RGSL1: variants seen among roughly 807,000 people sequenced by gnomAD.
RGSL1 encodes the protein regulator of G protein signaling like 1, also known as regulator of G protein signaling protein-like.
In RGSL1, 97 loss-of-function variants were observed where a neutral mutation model predicts 124.7. That is an observed-to-expected ratio of 0.78 (90% CI 0.66 to 0.92). The LOEUF is 0.92. Ranked by LOEUF, RGSL1 falls within the 40% of genes least tolerant of loss-of-function variation. The pLI, the probability that RGSL1 is intolerant of heterozygous loss-of-function variation, is 0.00. For missense variants in RGSL1, 1,233 were observed against 1,288.4 expected (o/e 0.96, Z 0.66); for synonymous variants, 424 against 438.1 (o/e 0.97, Z 0.40).
chr1:182,521,174 A>AGCCTCAAAC (rs1658305265), intron 9 of RGSL1, among the ~76,000 whole-genome samples: 1 of 152,156 alleles, frequency 6.6e-6, no homozygotes, highest in Non-Finnish European at 1.5e-5. Context: ...GGCTCAACTG[A>AGCCTCAAAC]TCTTCTTGCC....
At position 182,474,290 on chromosome 1, in the gene RGSL1, G is replaced by T. The variant is rs1270531817; in HGVS notation, c.1179G>T (p.Leu393Phe). Residue 393 changes from leucine (L) to phenylalanine (F), a missense_variant, in exon 6 of 22, where the codon TTG becomes TTT. Transcript: ENST00000294854. ...PFRDHLKKLN[L>F]KVEIQLLDLW... ...GGGACCACCTGAAGAAGCTGAATTT[G>T]AAAGTGGAGATCCAACTTCTTGACC... is the stretch of plus-strand genomic sequence containing the variant. The T allele has an allele frequency of 6.4e-7, 1 of 1,551,790 alleles. No homozygotes were observed. Among genetic ancestry groups the T allele is most frequent in the Non-Finnish European group, 8.7e-7 (1 of 1,147,006 alleles).
chr1:182,484,629 T>C (rs1250055341), intron 6 of RGSL1, among the ~76,000 whole-genome samples: 1 of 152,190 alleles, frequency 6.6e-6, no homozygotes, highest in Non-Finnish European at 1.5e-5. Flanking sequence ...CAAGGCACTG[T>C]TTCCTCAGGA....
chr1:182,556,293 C>T (rs1305562899), intron 21 of RGSL1, 71 bp downstream of exon 21: 5 of 489,828 alleles, frequency 1.0e-5, no homozygotes, highest in African/African-American at 3.9e-5. Context: ...GAGACCTGGG[C>T]TCTAGGTCTT....
intron 1 of RGSL1, 31 bp from the exon 2 acceptor site, chr1:182,453,927 T>A (rs755693825): frequency 8.3e-7 from 1 of 1,209,094 alleles, no homozygotes; most frequent in African/African-American, 1.5e-5. Context: ...TGGTTCATGT[T>A]TTGTTTTTTT....
intron 9 of RGSL1, among the ~76,000 whole-genome samples, chr1:182,499,561 T>G (rs778606791): frequency 5.3e-5 from 8 of 152,228 alleles, no homozygotes; most frequent in Admixed American, 3.3e-4. Context: ...TTTGAGCCTG[T>G]GGGTGTCATT....
At chr1:182,555,709 G>T in intron 20 of RGSL1, 1 of 355,746 alleles carries the variant, frequency 2.8e-6, no homozygotes, top group Non-Finnish European at 5.2e-6. Flanking sequence ...TCACTTCTCA[G>T]GCCTGTTTCC....
Position 182,532,710 on chromosome 1 carries a change from T to C in RGSL1, c.2413T>C (p.Tyr805His). The C allele has an allele frequency of 1.3e-6, 2 of 1,551,124 alleles. No individual in the cohort carries two copies. The highest frequency in any genetic ancestry group is 1.7e-6 in the Non-Finnish European group (2 of 1,146,534). The part of the protein sequence containing the change: ...MISFIRSFCK[Y>H]RRFMLNPSKR... The stretch of plus-strand genomic sequence containing the variant: ...CAGCTTTATCAGGAGTTTTTGCAAG[T>C]ACCGCAGATTTATGTTGAATCCTAG... Residue 805 changes from tyrosine (Y) to histidine (H), a missense_variant, in exon 14 of 22, where the codon TAC becomes CAC. Coordinates refer to ENST00000294854, the MANE Select transcript of RGSL1 (RefSeq NM_001137669.2).
chr1:182,555,907 G>A (rs562639511), intron 20 of RGSL1, 117 bp from the exon 21 acceptor site: 2 of 847,688 alleles, frequency 2.4e-6, no homozygotes, highest in Admixed American at 4.6e-5. Flanking sequence ...GAAGCCTGAA[G>A]GTTTCAGTTT....
At chr1:182,506,125 T>G (rs1023546146) in intron 9 of RGSL1, among the ~76,000 whole-genome samples, 18 of 152,190 alleles carry the variant, frequency 1.2e-4, no homozygotes, top group African/African-American at 4.3e-4. Context: ...ATTTTCTATT[T>G]CTTTTTATGC....
In RGSL1 at chr1:182,548,360, C is replaced by T. The variant is rs192542146; in HGVS notation, c.2713C>T (p.Arg905Trp). ...VSSAHMLQVN[R>W]AYNENDVILM... is the part of the protein sequence containing the mutation. ...TTCAGCCCACATGCTGCAGGTCAAC[C>T]GGGCATATAATGAGAATGATGTGAT... Residue 905 changes from arginine (R) to tryptophan (W), a missense_variant, in exon 16 of 22, where the codon CGG (arginine) becomes TGG (tryptophan). By Grantham distance (101) the Arg-to-Trp change is moderately radical (BLOSUM62 -3). Transcript: ENST00000294854. 2.6e-5 allele frequency: 41 copies of T among 1,551,822 alleles called. No homozygotes were observed. In the African/African-American group the frequency reaches 3.3e-4, roughly 12 times the overall value.
intron 9 of RGSL1, among the ~76,000 whole-genome samples, chr1:182,506,983 CTTTTTT>C (rs71127304): frequency 3.0e-5 from 3 of 99,392 alleles, no homozygotes; most frequent in Admixed American, 1.2e-4. Flanking sequence ...GCTCACCTTT[CTTTTTT>C]TTTTTTTTTT....
chr1:182,495,794 A>G (rs1655873078), intron 9 of RGSL1, among the ~76,000 whole-genome samples: 1 of 152,128 alleles, frequency 6.6e-6, no homozygotes, highest in Non-Finnish European at 1.5e-5. Context: ...ATGACAGTGA[A>G]GTGGCAGTGC....
intron 17 of RGSL1, 45 bp from the exon 18 acceptor site, chr1:182,551,055 C>G (rs1166560185): frequency 7.4e-7 from 1 of 1,350,922 alleles, no homozygotes; most frequent in East Asian, 2.5e-5. Context: ...CCAGCCCCCT[C>G]CACTGGGGGT....
At chr1:182,460,640 C>T in intron 4 of RGSL1, 2 of 455,962 alleles carry the variant, frequency 4.4e-6, no homozygotes, top group Non-Finnish European at 8.8e-6. Context: ...GAGTGAGCCT[C>T]TTAAAAAGTA....
intron 10 of RGSL1, among the ~76,000 whole-genome samples, chr1:182,525,159 A>G (rs1163591072): frequency 1.3e-5 from 2 of 152,190 alleles, no homozygotes; most frequent in African/African-American, 2.4e-5. Context: ...TGGATGAGGG[A>G]TGGGGTGTAA....
chr1:182,539,313 T>C (rs1198899750), intron 14 of RGSL1, among the ~76,000 whole-genome samples: 1 of 152,156 alleles, frequency 6.6e-6, no homozygotes, highest in African/African-American at 2.4e-5. Context: ...AGAGAAAGAT[T>C]GAAAGATAGT....
rs200412649 is a variant in RGSL1 at position 182,473,623 on chromosome 1, G to A, written c.512G>A (p.Arg171Lys). The A allele has an allele frequency of 4.6e-4, 706 of 1,551,058 alleles. 5 individuals carry two copies. The highest frequency in any genetic ancestry group is 4.0e-3 in the Middle Eastern group (24 of 5,982). ...SIWHPNQSTTRREILSHMQKV... is the reference protein window; with the variant it reads ...SIWHPNQSTTKREILSHMQKV... ...TGGCATCCCAACCAATCAACCACTA[G>A]GAGGGAGATCCTGAGCCACATGCAG... Residue 171 changes from arginine to lysine, a missense_variant, in exon 6 of 22, where the codon AGG becomes AAG. Physicochemically the swap from Arg to Lys is conservative, Grantham distance 26. Coordinates refer to ENST00000294854, the MANE Select transcript of RGSL1 (RefSeq NM_001137669.2).
intron 11 of RGSL1, 73 bp downstream of exon 11, chr1:182,527,845 A>T: frequency 1.5e-6 from 2 of 1,291,542 alleles, no homozygotes; most frequent in Non-Finnish European, 2.1e-6. Context: ...GAAATAGCCT[A>T]CCTCATGTGA....
At position 182,554,665 on chromosome 1, in the gene RGSL1, T is replaced by C. The variant is rs1386095778; in HGVS notation, c.3169T>C (p.Ser1057Pro). The change falls in exon 20 of 22, where the codon TCT becomes CCT. Residue 1057 changes from serine (S) to proline (P), a missense_variant. Coordinates refer to ENST00000294854, the MANE Select transcript of RGSL1 (RefSeq NM_001137669.2). ...SKLTQPRLVV[S>P]AMQLHPVQGQ... The stretch of plus-strand genomic sequence containing the variant: ...ACTTACTCAGCCAAGACTCGTGGTA[T>C]CTGCCATGCAGCTGCATCCCGTCCA... 3 of 1,551,746 alleles carry C rather than the reference T, an allele frequency of 1.9e-6. No individual in the cohort carries two copies. The highest frequency in any genetic ancestry group is 2.7e-5 in the African/African-American group (2 of 73,192).
Sources: gnomAD v4.1 joint callset for allele counts (sites outside exome capture counted in the v4.1 genomes callset) on GRCh38, gnomAD v4.1.1 for gene constraint, MANE v1.5 for transcripts, NCBI Gene and HGNC (gene_info 2026-07-23, HGNC 2026-07-21) for gene names.